Variants in ARHGAP32 observed in about 807,000 individuals in gnomAD.
The protein encoded by ARHGAP32 is rho GTPase-activating protein 32.
Under a neutral mutation model 186.5 loss-of-function variants are expected in ARHGAP32, and 51 were observed. The ratio of observed to expected loss-of-function variants is 0.27; its 90% CI spans 0.22 to 0.35. The LOEUF is 0.35. Ranked by LOEUF, ARHGAP32 falls within the 10% of genes least tolerant of loss-of-function variation. The pLI, the probability that ARHGAP32 is intolerant of heterozygous loss-of-function variation, is 1.00. For missense variants in ARHGAP32, 2,186 were observed against 2,623.5 expected (o/e 0.83, Z 3.64); for synonymous variants, 950 against 964.3 (o/e 0.99, Z 0.27).
At chr11:129,042,370 T>A (rs1939632844) in intron 10 of ARHGAP32, among the ~76,000 whole-genome samples, 1 of 152,226 alleles carries the variant, frequency 6.6e-6, no homozygotes, top group African/African-American at 2.4e-5. Flanking sequence ...ATCAGTTTTG[T>A]TCACAAGATG....
intron 11 of ARHGAP32, among the ~76,000 whole-genome samples, chr11:129,036,465 G>C (rs948047653): frequency 1.3e-5 from 2 of 148,314 alleles, no homozygotes; most frequent in Admixed American, 6.7e-5. Flanking sequence ...ATTAGGCTAA[G>C]TTTTAAAAAC....
At chr11:129,164,514 C>G (rs1295691428) in intron 1 of ARHGAP32, 87 bp from the exon 2 acceptor site, 1 of 737,894 alleles carries the variant, frequency 1.4e-6, no homozygotes, top group African/African-American at 1.8e-5. Context: ...AGCAGAAAAA[C>G]TACATGTCAG....
intron 22 of ARHGAP32, 112 bp downstream of exon 22, chr11:128,972,341 G>A: frequency 8.0e-7 from 1 of 1,254,864 alleles, no homozygotes; most frequent in Non-Finnish European, 1.1e-6. Flanking sequence ...CCAGCCACAG[G>A]GCTTAAAAGT....
chr11:129,243,125 C>T (rs192806444), intron 1 of ARHGAP32, among the ~76,000 whole-genome samples: 1 of 152,282 alleles, frequency 6.6e-6, no homozygotes, highest in Admixed American at 6.5e-5. Flanking sequence ...CAAAGTCAGT[C>T]AAAAATAAAC....
intron 1 of ARHGAP32, among the ~76,000 whole-genome samples, chr11:129,222,996 C>A (rs1477506627): frequency 6.6e-6 from 1 of 152,114 alleles, no homozygotes; most frequent in African/African-American, 2.4e-5. Context: ...TTAGTAGCTA[C>A]TTTAATAAAA....
intron 11 of ARHGAP32, among the ~76,000 whole-genome samples, chr11:129,029,817 A>AAAC (rs1939032022): frequency 6.6e-6 from 1 of 150,536 alleles, no homozygotes; most frequent in African/African-American, 2.4e-5. Context: ...AAAAAAAAAA[A>AAAC]AAAAAAAAAC....
In ARHGAP32 at chr11:129,181,169, C is replaced by G. The variant is rs548198526; in HGVS notation, c.116+10914G>C. Among the ~76,000 whole-genome samples the G allele has an allele frequency of 5.1e-4, 78 of 152,156 alleles. 1 individual carries two copies. In the South Asian group the frequency reaches 0.016, roughly 31 times the overall value. ...GATCGGTTTTTGTTTATTTCTTATT[C>G]TTCGCCAAATTTGGTTCTGGCTCTG... On this transcript the variant is annotated intron_variant, in intron 1 of 22. Coordinates refer to ENST00000682385, the MANE Select transcript of ARHGAP32 (RefSeq NM_001378024.1).
intron 1 of ARHGAP32, among the ~76,000 whole-genome samples, chr11:129,249,272 A>G (rs995913362): frequency 1.3e-5 from 2 of 151,956 alleles, no homozygotes; most frequent in Non-Finnish European, 2.9e-5. Context: ...AAACAGTAAT[A>G]CTCTTTATAT....
At chr11:129,095,144 CA>C (rs1289567031) in intron 5 of ARHGAP32, among the ~76,000 whole-genome samples, 3 of 151,966 alleles carry the variant, frequency 2.0e-5, no homozygotes, top group Non-Finnish European at 4.4e-5. Context: ...ATGATAAAAG[CA>C]TAGTTTAAAA....
At chr11:129,205,009 C>A (rs1297339070) in intron 1 of ARHGAP32, among the ~76,000 whole-genome samples, 1 of 151,908 alleles carries the variant, frequency 6.6e-6, no homozygotes, top group Non-Finnish European at 1.5e-5. Context: ...TAAGTTTTAT[C>A]CACTGCAAAA....
At chr11:129,106,442 G>A (rs565654281) in intron 5 of ARHGAP32, among the ~76,000 whole-genome samples, 4 of 152,052 alleles carry the variant, frequency 2.6e-5, no homozygotes, top group Non-Finnish European at 4.4e-5. Context: ...AATACCAGAC[G>A]TTCTCACTCA....
intron 1 of ARHGAP32, among the ~76,000 whole-genome samples, chr11:129,191,743 T>A (rs1944274729): frequency 6.6e-6 from 1 of 151,588 alleles, no homozygotes; most frequent in Admixed American, 6.6e-5. Context: ...TAGATACAAA[T>A]TCAGATCAAA....
intron 5 of ARHGAP32, among the ~76,000 whole-genome samples, chr11:129,098,331 C>T (rs1941791037): frequency 6.6e-6 from 1 of 152,136 alleles, no homozygotes. Flanking sequence ...TATGTAACTC[C>T]ACTTTTTGTT....
intron 2 of ARHGAP32, among the ~76,000 whole-genome samples, chr11:129,161,021 C>A (rs1482245089): frequency 6.6e-6 from 1 of 152,156 alleles, no homozygotes; most frequent in African/African-American, 2.4e-5. Context: ...ACCCTCTGAT[C>A]TTTGACAAAC....
chr11:129,173,117 A>T (rs533946312), intron 1 of ARHGAP32, among the ~76,000 whole-genome samples: 1 of 152,200 alleles, frequency 6.6e-6, no homozygotes, highest in East Asian at 1.9e-4. Flanking sequence ...ACACAATAAA[A>T]AATGTTTAGG....
At chr11:129,241,467 C>A (rs1350704272) in intron 1 of ARHGAP32, among the ~76,000 whole-genome samples, 1 of 151,684 alleles carries the variant, frequency 6.6e-6, no homozygotes, top group Non-Finnish European at 1.5e-5. Context: ...ACAGAGCAAG[C>A]CCACATCTCT....
At chr11:129,222,257 G>C (rs1283820765) in intron 1 of ARHGAP32, among the ~76,000 whole-genome samples, 1 of 152,072 alleles carries the variant, frequency 6.6e-6, no homozygotes, top group African/African-American at 2.4e-5. Flanking sequence ...TAATTAACTT[G>C]GTCCAGTTTT....
chr11:128,975,013 T>C lies in ARHGAP32; in HGVS notation c.2195-11A>G. ...AGAGCTTAGAATCACCTGGAAAAAA[T>C]GAATAACAGTGTCAAAGTAAGAACA... On this transcript the variant is annotated splice_polypyrimidine_tract_variant and intron_variant, in intron 20 of 22. Coordinates refer to ENST00000682385, the MANE Select transcript of ARHGAP32 (RefSeq NM_001378024.1). 1 of 1,588,344 alleles carries C rather than the reference T, an allele frequency of 6.3e-7. No individual in the cohort carries two copies. The highest frequency in any genetic ancestry group is 8.6e-7 in the Non-Finnish European group (1 of 1,168,338).
chr11:129,193,710 T>TGTAATATATAATATATAA (rs1944346744), upstream of ARHGAP32, among the ~76,000 whole-genome samples: 1 of 37,246 alleles, frequency 2.7e-5, no homozygotes, highest in Non-Finnish European at 5.4e-5. Context: ...ATAATATATA[T>TGTAATATATAATATATAA]TATATATTAT....
Sources: allele counts gnomAD v4.1 joint callset (sites outside exome capture counted in the v4.1 genomes callset), GRCh38; gene constraint gnomAD v4.1.1; transcripts MANE v1.5; gene names NCBI Gene and HGNC (gene_info 2026-07-23, HGNC 2026-07-21).